Variants in AFG2A observed in about 807,000 individuals in gnomAD.
AFG2A encodes the protein AAA ATPase AFG2A, also known as ATPase family gene 2 protein homolog A.
At chr4:123,051,726 C>T in the AFG2A span, among the ~76,000 whole-genome samples, 4 of 125,926 alleles carry the variant, frequency 3.2e-5, no homozygotes, top group Admixed American at 9.2e-5. Flanking sequence ...CACTATTCTT[C>T]GTTAAGTTTT....
At chr4:123,026,447 T>TA in the AFG2A span, among the ~76,000 whole-genome samples, 601 of 151,992 alleles carry the variant, frequency 4.0e-3, 2 homozygotes, top group African/African-American at 0.013. Flanking sequence ...GGTGATGAGC[T>TA]AAAAAAAATT....
chr4:123,026,447 TA>T, the AFG2A span, among the ~76,000 whole-genome samples: 2 of 151,994 alleles, frequency 1.3e-5, no homozygotes, highest in African/African-American at 2.4e-5. Flanking sequence ...GGTGATGAGC[TA>T]AAAAAAATTG....
At chr4:123,089,810 A>G in the AFG2A span, among the ~76,000 whole-genome samples, 1 of 150,338 alleles carries the variant, frequency 6.7e-6, no homozygotes, top group Admixed American at 6.6e-5. Flanking sequence ...CTGGTCTTGA[A>G]CTCCTGGCCT....
At chr4:123,107,910 G>A in the AFG2A span, among the ~76,000 whole-genome samples, 62 of 152,310 alleles carry the variant, frequency 4.1e-4, no homozygotes, top group East Asian at 6.4e-3. Flanking sequence ...CGCCACAATC[G>A]GAGTGGCCAG....
chr4:123,145,904 T>G, the AFG2A span, among the ~76,000 whole-genome samples: 1 of 152,126 alleles, frequency 6.6e-6, no homozygotes, highest in Non-Finnish European at 1.5e-5. Context: ...TTGGATTATT[T>G]TTTCTTTTTG....
At chr4:122,971,850 C>T in the AFG2A span, among the ~76,000 whole-genome samples, 1 of 152,150 alleles carries the variant, frequency 6.6e-6, no homozygotes. Flanking sequence ...TTACATGAAT[C>T]TGGCATTCCT....
the AFG2A span, chr4:123,028,119 T>G: frequency 3.7e-6 from 5 of 1,351,126 alleles, no homozygotes; most frequent in South Asian, 6.5e-5. Flanking sequence ...TGATATGTTT[T>G]TTATTTTTTT....
the AFG2A span, chr4:122,979,245 G>A: frequency 6.2e-7 from 1 of 1,614,110 alleles, no homozygotes; most frequent in Non-Finnish European, 8.5e-7. Flanking sequence ...TCTGTGCCTT[G>A]CGGAGAATCC....
At chr4:123,110,229 T>C in the AFG2A span, among the ~76,000 whole-genome samples, 4 of 152,158 alleles carry the variant, frequency 2.6e-5, no homozygotes, top group South Asian at 8.3e-4. Context: ...CTCATAAAAG[T>C]TCTCTTCCTT....
chr4:122,993,987 G>C, the AFG2A span, among the ~76,000 whole-genome samples: 4 of 151,966 alleles, frequency 2.6e-5, no homozygotes, highest in Admixed American at 2.0e-4. Context: ...GCACATAGTA[G>C]ATACCCAATC....
chr4:122,982,981 C>T, the AFG2A span, among the ~76,000 whole-genome samples: 4 of 148,152 alleles, frequency 2.7e-5, no homozygotes, highest in African/African-American at 7.5e-5. Context: ...GATTCTCCTG[C>T]CTCAACCTCC....
chr4:122,998,944 C>T, the AFG2A span, among the ~76,000 whole-genome samples: 5 of 152,164 alleles, frequency 3.3e-5, no homozygotes, highest in African/African-American at 1.2e-4. Context: ...TAAAAGTGTT[C>T]CTATTTCTCC....
At chr4:123,048,036 T>G in the AFG2A span, among the ~76,000 whole-genome samples, 2 of 152,142 alleles carry the variant, frequency 1.3e-5, no homozygotes, top group Non-Finnish European at 2.9e-5. Flanking sequence ...TTGATTTTTG[T>G]TTGTGGTGAA....
chr4:122,962,393 T>A, the AFG2A span, among the ~76,000 whole-genome samples: 1 of 152,332 alleles, frequency 6.6e-6, no homozygotes, highest in Middle Eastern at 3.4e-3. Flanking sequence ...TTATAGAATG[T>A]TATATTTGTG....
At chr4:123,056,214 T>C in the AFG2A span, among the ~76,000 whole-genome samples, 4 of 152,236 alleles carry the variant, frequency 2.6e-5, no homozygotes, top group Non-Finnish European at 5.9e-5. Flanking sequence ...GAATGTAGAA[T>C]GGCTTTAACT....
chr4:123,264,905 T>C, the AFG2A span, among the ~76,000 whole-genome samples: 114 of 152,280 alleles, frequency 7.5e-4, no homozygotes, highest in African/African-American at 2.6e-3. Context: ...AGGAATCCCT[T>C]AGGGATTGGA....
At chr4:123,128,097 G>A in the AFG2A span, among the ~76,000 whole-genome samples, 1 of 152,156 alleles carries the variant, frequency 6.6e-6, no homozygotes, top group African/African-American at 2.4e-5. Context: ...AATCTTGTCT[G>A]CTGGTAGGCA....
the AFG2A span, among the ~76,000 whole-genome samples, chr4:123,017,531 T>C: frequency 1.3e-5 from 2 of 151,038 alleles, no homozygotes; most frequent in Non-Finnish European, 2.9e-5. Context: ...TGCTTCCTAA[T>C]CTTGCTTTAT....
chr4:123,187,227 A>G, the AFG2A span, among the ~76,000 whole-genome samples: 22 of 152,270 alleles, frequency 1.4e-4, no homozygotes, highest in East Asian at 4.0e-3. Context: ...ATTTGTGTTT[A>G]CGGTACTCTC....
Sources: allele counts gnomAD v4.1 joint callset (sites outside exome capture counted in the v4.1 genomes callset), GRCh38; gene constraint gnomAD v4.1.1; transcripts MANE v1.5; gene names NCBI Gene and HGNC (gene_info 2026-07-23, HGNC 2026-07-21).